The following TMCC3 variants were observed in gnomAD, a reference collection of about 807,000 sequenced individuals.
TMCC3 encodes the protein transmembrane and coiled-coil domain family 3.
A neutral mutation model predicts 40.2 loss-of-function variants in TMCC3; 28 were observed. The observed-to-expected ratio is 0.70, with a 90% CI of 0.52 to 0.95. TMCC3 has a LOEUF of 0.95. TMCC3 is among the 40% of genes least tolerant of loss of function. TMCC3 has a pLI of 0.00. For synonymous variants in TMCC3, 255 were observed against 248.5 expected (o/e 1.03, Z -0.25); for missense variants, 554 against 615.2 (o/e 0.90, Z 1.05).
chr12:94,581,207 G>A (rs1333846642), intron 2 of TMCC3, among the ~76,000 whole-genome samples: 2 of 152,124 alleles, frequency 1.3e-5, no homozygotes, highest in African/African-American at 4.8e-5. Flanking sequence ...ATAGCTTGAA[G>A]GTAAAAGTGT....
At chr12:94,611,378 T>C (rs2068814876) in intron 1 of TMCC3, among the ~76,000 whole-genome samples, 1 of 152,202 alleles carries the variant, frequency 6.6e-6, no homozygotes, top group African/African-American at 2.4e-5. Flanking sequence ...AATAACTTCA[T>C]AAAATGCTGT....
At chr12:94,607,681 C>T (rs1272064546) in intron 1 of TMCC3, among the ~76,000 whole-genome samples, 1 of 152,216 alleles carries the variant, frequency 6.6e-6, no homozygotes, top group African/African-American at 2.4e-5. Flanking sequence ...GCTGGGATTA[C>T]AGGCATGAGC....
At chr12:94,638,701 A>G (rs1269917552) in intron 1 of TMCC3, among the ~76,000 whole-genome samples, 2 of 152,224 alleles carry the variant, frequency 1.3e-5, no homozygotes, top group African/African-American at 4.8e-5. Context: ...ACCTGTTCCA[A>G]TTAGTGAGAT....
chr12:94,642,967 C>T (rs917752869), intron 1 of TMCC3, among the ~76,000 whole-genome samples: 3 of 151,996 alleles, frequency 2.0e-5, no homozygotes, highest in Non-Finnish European at 2.9e-5. Context: ...CCGAGGCAGG[C>T]GGATCACGAG....
rs576261990 is a variant in TMCC3, at chr12:94,580,288, C to T, written c.995+1334G>A. Among the ~76,000 whole-genome samples the T allele has an allele frequency of 1.5e-3, 235 of 152,190 alleles. 2 individuals carry two copies. The highest frequency in any genetic ancestry group is 2.6e-3 in the Non-Finnish European group (178 of 67,996). On this transcript the variant is annotated intron_variant, in intron 2 of 3. Transcript: ENST00000261226. ...ACTTTGTGTTAATAAGTTATAAGCA[C>T]CTAAAAGCCAGCCTACAAAACATCT...
chr12:94,614,686 T>C (rs1278818436), intron 1 of TMCC3, among the ~76,000 whole-genome samples: 2 of 152,196 alleles, frequency 1.3e-5, no homozygotes, highest in African/African-American at 4.8e-5. Context: ...CTCACAGTGT[T>C]ACGAGGCTAT....
At chr12:94,616,158 C>T in intron 1 of TMCC3, 1 of 900,346 alleles carries the variant, frequency 1.1e-6, no homozygotes, top group Non-Finnish European at 1.3e-6. Flanking sequence ...TAATAATGCA[C>T]CGTATTCAAC....
chr12:94,636,743 G>A (rs553479277), intron 1 of TMCC3, among the ~76,000 whole-genome samples: 1 of 152,366 alleles, frequency 6.6e-6, no homozygotes, highest in African/African-American at 2.4e-5. Context: ...AAACTGTCGT[G>A]CTATGGAACA....
chr12:94,582,782 G>A (rs1158805815), intron 1 of TMCC3, among the ~76,000 whole-genome samples: 1 of 151,942 alleles, frequency 6.6e-6, no homozygotes, highest in African/African-American at 2.4e-5. Flanking sequence ...CTTTTTTTGT[G>A]TAATGAGACT....
rs1370554227 is a variant in TMCC3 at position 94,569,891 on chromosome 12, G to GT, written c.*1543dup. ...CTGCCTGCAGCAGATGGCGGGAGTG[G>GT]TGGGACAAGGGGCTCAACAGCAGTT... On this transcript the variant is annotated 3_prime_UTR_variant, in exon 4 of 4. Coordinates refer to ENST00000261226, the MANE Select transcript of TMCC3 (RefSeq NM_020698.4). The GT allele has an allele frequency of 6.6e-6, 1 of 152,240 alleles. No individual in the cohort carries two copies. Among genetic ancestry groups the GT allele is most frequent in the African/African-American group, 2.4e-5 (1 of 41,444 alleles). The allele number at this position is 152,240 out of a possible 1,614,324, so 9.4% of individuals were successfully genotyped here.
At chr12:94,602,346 T>C (rs527857309) in intron 1 of TMCC3, among the ~76,000 whole-genome samples, 1 of 152,376 alleles carries the variant, frequency 6.6e-6, no homozygotes, top group East Asian at 1.9e-4. Flanking sequence ...ACAATCCTTG[T>C]GGTTTTCACA....
At position 94,571,549 on chromosome 12, in the gene TMCC3, C is replaced by T. The variant is rs2068528095; in HGVS notation, c.1320G>A (p.Met440Ile). ...STIAKFVSPMMKSRCHILGTF... is the reference protein window; with the variant it reads ...STIAKFVSPMIKSRCHILGTF... ...TGCCAAGAATGTGGCAGCGACTCTT[C>T]ATCATGGGTGAGACGAACTTCGCGA... The change falls in exon 4 of 4, where the codon ATG becomes ATA. Residue 440 changes from methionine to isoleucine, a missense_variant. By Grantham distance (10) the Met-to-Ile change is conservative. Coordinates refer to ENST00000261226, the MANE Select transcript of TMCC3 (RefSeq NM_020698.4). 6.2e-7 allele frequency: 1 copy of T among 1,614,028 alleles called. No individual in the cohort carries two copies. Among genetic ancestry groups the T allele is most frequent in the Non-Finnish European group, 8.5e-7 (1 of 1,180,042 alleles).
intron 3 of TMCC3, among the ~76,000 whole-genome samples, chr12:94,572,220 G>A (rs1295391278): frequency 1.3e-5 from 2 of 151,508 alleles, no homozygotes; most frequent in South Asian, 2.1e-4. Flanking sequence ...GGAAGGTCTC[G>A]ATCTCCTGAC....
At chr12:94,650,172 C>A (rs2069047453) in intron 1 of TMCC3, among the ~76,000 whole-genome samples, 181 bp downstream of exon 1, 1 of 152,076 alleles carries the variant, frequency 6.6e-6, no homozygotes, top group African/African-American at 2.4e-5. Flanking sequence ...GCAGCCTGGG[C>A]TCCGACGCCC....
intron 1 of TMCC3, among the ~76,000 whole-genome samples, chr12:94,633,305 G>C (rs967076370): frequency 6.6e-6 from 1 of 152,142 alleles, no homozygotes; most frequent in Non-Finnish European, 1.5e-5. Context: ...GAGGAAGCAG[G>C]AAGAGAGAAA....
At position 94,571,635 on chromosome 12, in the gene TMCC3, C is replaced by G; in HGVS notation, c.1234G>C (p.Gly412Arg). 1 of 1,614,162 alleles carries G rather than the reference C, an allele frequency of 6.2e-7. No individual in the cohort carries two copies. Among genetic ancestry groups the G allele is most frequent in the Non-Finnish European group, 8.5e-7 (1 of 1,180,036 alleles). Residue 412 changes from glycine to arginine, a missense_variant, in exon 4 of 4, where the codon GGG (glycine) becomes CGG (arginine). Transcript: ENST00000261226. The part of the protein sequence containing the change: ...TDTVNAKVLL[G>R]RCINVILAFM... ...GCCAGGATCACGTTGATGCACCTCC[C>G]CAGGAGAACTTTAGCATTCACGGTG...
At chr12:94,599,034 G>T (rs1245366473) in intron 1 of TMCC3, among the ~76,000 whole-genome samples, 1 of 152,170 alleles carries the variant, frequency 6.6e-6, no homozygotes, top group Non-Finnish European at 1.5e-5. Context: ...TGCTTCCAGG[G>T]TGGTAGCATA....
chr12:94,576,273 A>G (rs2068564325), intron 3 of TMCC3, among the ~76,000 whole-genome samples: 1 of 152,176 alleles, frequency 6.6e-6, no homozygotes, highest in Non-Finnish European at 1.5e-5. Flanking sequence ...TGGGATTAGC[A>G]CAGGCTCAGC....
At chr12:94,610,444 T>A (rs1026611419) in intron 1 of TMCC3, among the ~76,000 whole-genome samples, 1 of 145,598 alleles carries the variant, frequency 6.9e-6, no homozygotes, top group Non-Finnish European at 1.5e-5. Flanking sequence ...AAAAAAAAAA[T>A]TTTTTTTTCA....
Sources: allele counts gnomAD v4.1 joint callset (sites outside exome capture counted in the v4.1 genomes callset), GRCh38; gene constraint gnomAD v4.1.1; transcripts MANE v1.5; gene names NCBI Gene and HGNC (gene_info 2026-07-23, HGNC 2026-07-21).